Variants in LRRC63 observed in about 807,000 individuals in gnomAD.
LRRC63 encodes leucine-rich repeat-containing protein 63.
Under a neutral mutation model 49.5 loss-of-function variants are expected in LRRC63, and 40 were observed. The ratio of observed to expected loss-of-function variants is 0.81; its 90% confidence interval spans 0.63 to 1.05. LRRC63 has a LOEUF of 1.05. LRRC63 is among the 50% of genes least tolerant of loss of function. The probability of loss-of-function intolerance (pLI) is 0.00; values close to 1 mark genes in which losing one functional copy is unlikely to be tolerated. For synonymous variants in LRRC63, 191 were observed against 221.1 expected, an observed-to-expected ratio of 0.86 and a Z score of 1.21; for missense variants, 636 against 663.1, an observed-to-expected ratio of 0.96 and a Z score of 0.45.
At chr13:46,263,540 A>G (rs2047643488) in intron 8 of LRRC63, among the ~76,000 whole-genome samples, 1 of 152,102 alleles carries the variant, frequency 6.6e-6, no homozygotes, top group African/African-American at 2.4e-5. Flanking sequence ...AATATTTTAT[A>G]AAGGCAATAT....
intron 4 of LRRC63, among the ~76,000 whole-genome samples, chr13:46,229,566 A>G (rs1246299429): frequency 6.6e-6 from 1 of 152,166 alleles, no homozygotes; most frequent in African/African-American, 2.4e-5. Flanking sequence ...AGCAGCCAAT[A>G]TACTTGGGAC....
intron 8 of LRRC63, 33 bp from the exon 9 acceptor site, chr13:46,266,700 T>C (rs41284165): frequency 0.04 from 59,254 of 1,492,452 alleles, 1,363 homozygotes; most frequent in Admixed American, 0.066. Context: ...AATTGTATAA[T>C]ACCTTTTAAA....
chr13:46,275,335 C>T (rs984534910), intron 9 of LRRC63, among the ~76,000 whole-genome samples: 4 of 152,080 alleles, frequency 2.6e-5, no homozygotes, highest in Admixed American at 2.6e-4. Context: ...GGATAAATAC[C>T]CAGTAATGAG....
At chr13:46,220,339 CCA>C (rs745660106) in intron 2 of LRRC63, among the ~76,000 whole-genome samples, 22 of 152,198 alleles carry the variant, frequency 1.4e-4, no homozygotes, top group Non-Finnish European at 2.8e-4. Context: ...AGTCTGGCTA[CCA>C]CAGTTTTGCT....
At chr13:46,250,254 A>G (rs1294992359) in intron 6 of LRRC63, 101 bp from the exon 7 acceptor site, 1 of 1,060,416 alleles carries the variant, frequency 9.4e-7, no homozygotes, top group East Asian at 2.7e-5. Context: ...ATGTTGCTAT[A>G]ATGATTCTAC....
At chr13:46,239,920 A>C (rs1249266069) in intron 5 of LRRC63, among the ~76,000 whole-genome samples, 5 of 152,204 alleles carry the variant, frequency 3.3e-5, no homozygotes, top group African/African-American at 1.2e-4. Flanking sequence ...ATCTCAATTG[A>C]TGCAGAAAAG....
At chr13:46,248,013 T>C (rs1219300014) in intron 6 of LRRC63, among the ~76,000 whole-genome samples, 4 of 152,170 alleles carry the variant, frequency 2.6e-5, no homozygotes, top group African/African-American at 9.6e-5. Flanking sequence ...ATTGAATATG[T>C]ATGAAGAACA....
exon 10 of LRRC63, chr13:46,276,838 ATATATATATATATT>A (rs754287944): frequency 0.018 from 2,773 of 155,482 alleles, 119 homozygotes; most frequent in African/African-American, 0.07. Flanking sequence ...GTATATATAT[ATATATATATATATT>A]TATATATATA....
chr13:46,213,486 G>A (rs902646148), intron 2 of LRRC63, among the ~76,000 whole-genome samples: 1 of 152,146 alleles, frequency 6.6e-6, no homozygotes, highest in African/African-American at 2.4e-5. Context: ...TATTGTAAAC[G>A]GGTACTGTTT....
intron 6 of LRRC63, among the ~76,000 whole-genome samples, 167 bp downstream of exon 6, chr13:46,246,792 A>T (rs899836661): frequency 6.6e-6 from 1 of 152,166 alleles, no homozygotes; most frequent in Non-Finnish European, 1.5e-5. Flanking sequence ...TGTACAGTAC[A>T]TCTTTCTTAG....
At chr13:46,229,558 C>G (rs34039230) in intron 4 of LRRC63, among the ~76,000 whole-genome samples, 1 of 151,978 alleles carries the variant, frequency 6.6e-6, no homozygotes, top group Non-Finnish European at 1.5e-5. Flanking sequence ...GACTTCAGAG[C>G]AGCCAATATA....
At chr13:46,252,931 A>C (rs1182151187) in intron 7 of LRRC63, among the ~76,000 whole-genome samples, 5 of 152,074 alleles carry the variant, frequency 3.3e-5, no homozygotes, top group Non-Finnish European at 7.4e-5. Flanking sequence ...TGCTGTATGC[A>C]ACAAGAAACC....
intron 2 of LRRC63, among the ~76,000 whole-genome samples, chr13:46,214,972 A>G (rs1251217222): frequency 6.6e-6 from 1 of 152,236 alleles, no homozygotes; most frequent in African/African-American, 2.4e-5. Flanking sequence ...ATAGTATTCC[A>G]TGATGTGTAT....
intron 9 of LRRC63, among the ~76,000 whole-genome samples, chr13:46,268,430 G>A (rs1428051849): frequency 2.0e-5 from 3 of 152,094 alleles, no homozygotes; most frequent in Non-Finnish European, 4.4e-5. Context: ...AGTAATAAAA[G>A]ATATGAATTC....
intron 9 of LRRC63, among the ~76,000 whole-genome samples, chr13:46,268,555 C>CA (rs1405261947): frequency 6.7e-6 from 1 of 148,392 alleles, no homozygotes; most frequent in Non-Finnish European, 1.5e-5. Flanking sequence ...AAATCCCTTA[C>CA]AAAAAACAAC....
At chr13:46,266,814 T>C (rs1390004473) in exon 9 of LRRC63, 13 of 1,550,104 alleles carry the variant, frequency 8.4e-6, no homozygotes, top group African/African-American at 1.4e-5. Context: ...TGACAAAAAT[T>C]CAGTTTGAGA....
chr13:46,218,933 A>C (rs530882714), intron 2 of LRRC63, among the ~76,000 whole-genome samples: 2 of 152,050 alleles, frequency 1.3e-5, no homozygotes, highest in African/African-American at 4.8e-5. Flanking sequence ...ATTGGCCCCC[A>C]CTCTCTTCTG....
chr13:46,230,232 A>G (rs1311882661), intron 4 of LRRC63, among the ~76,000 whole-genome samples: 1 of 152,182 alleles, frequency 6.6e-6, no homozygotes, highest in Non-Finnish European at 1.5e-5. Flanking sequence ...TAGTTCCCCA[A>G]AAGTCTCAAC....
chr13:46,266,077 C>T (rs779622866), intron 8 of LRRC63, among the ~76,000 whole-genome samples: 1 of 149,104 alleles, frequency 6.7e-6, no homozygotes, highest in Non-Finnish European at 1.5e-5. Flanking sequence ...ACAAGTTGGA[C>T]CAGCCTTTGA....
Sources: gnomAD v4.1 joint callset for allele counts (sites outside exome capture counted in the v4.1 genomes callset) on GRCh38, gnomAD v4.1.1 for gene constraint, MANE v1.5 for transcripts, NCBI Gene and HGNC (gene_info 2026-07-23, HGNC 2026-07-21) for gene names.